Variants in ACSS3 observed in about 807,000 individuals in gnomAD.
ACSS3 encodes acyl-CoA synthetase short-chain family member 3, mitochondrial.
In ACSS3, 64 loss-of-function variants were observed where a neutral mutation model predicts 84.2. That is an observed-to-expected ratio of 0.76 (90% CI 0.62 to 0.94). The LOEUF is 0.94. Among genes scored for constraint, ACSS3 ranks in the 40% least tolerant of loss-of-function variants. The pLI, the probability that ACSS3 is intolerant of heterozygous loss-of-function variation, is 0.00. For missense variants in ACSS3, 815 were observed against 867.6 expected (o/e 0.94, Z 0.76); for synonymous variants, 317 against 310.1 (o/e 1.02, Z -0.23).
intron 1 of ACSS3, among the ~76,000 whole-genome samples, chr12:81,105,511 G>A (rs1459730310): frequency 6.6e-6 from 1 of 152,124 alleles, no homozygotes; most frequent in Non-Finnish European, 1.5e-5. Context: ...TGGGTTTCAG[G>A]TATGGCTTTC....
intron 7 of ACSS3, among the ~76,000 whole-genome samples, chr12:81,162,610 C>T (rs1264260495): frequency 6.6e-6 from 1 of 152,160 alleles, no homozygotes; most frequent in Non-Finnish European, 1.5e-5. Flanking sequence ...TCAGGCTGTC[C>T]CTGCCTTGAA....
intron 2 of ACSS3, among the ~76,000 whole-genome samples, chr12:81,112,356 A>G (rs1659707429): frequency 6.6e-6 from 1 of 152,214 alleles, no homozygotes; most frequent in Non-Finnish European, 1.5e-5. Context: ...GCTTTAGAGA[A>G]ACCTAAAATA....
At chr12:81,176,047 G>A (rs1169698974) in intron 8 of ACSS3, among the ~76,000 whole-genome samples, 1 of 151,946 alleles carries the variant, frequency 6.6e-6, no homozygotes, top group Non-Finnish European at 1.5e-5. Flanking sequence ...CCATATGAAA[G>A]ATCAATAAAA....
rs1593083177 is a variant in ACSS3, at chr12:81,121,039, GGTTGAGCGATGTAGA to G, written c.456+11336_456+11350del. Among the ~76,000 whole-genome samples, 14 of 152,240 alleles carry G rather than the reference GGTTGAGCGATGTAGA, an allele frequency of 9.2e-5. No homozygotes were observed. In the East Asian group the frequency reaches 2.5e-3, roughly 27 times the overall value. The stretch of plus-strand genomic sequence containing the variant: ...CTCTTTAAATGTGTACAGCTCCTTT[GGTTGAGCGATGTAGA>G]TGTTGTTAAAACTGACCCAGCTATT... On this transcript the variant is annotated intron_variant, in intron 2 of 15. Transcript: ENST00000548058.
chr12:81,190,075 T>A (rs543301779), intron 8 of ACSS3, among the ~76,000 whole-genome samples: 1 of 152,300 alleles, frequency 6.6e-6, no homozygotes, highest in African/African-American at 2.4e-5. Context: ...CATTATAGAT[T>A]TATAACAGAT....
chr12:81,161,288 G>A (rs1436965661), intron 7 of ACSS3, among the ~76,000 whole-genome samples: 5 of 152,134 alleles, frequency 3.3e-5, no homozygotes, highest in Non-Finnish European at 7.3e-5. Flanking sequence ...CAGCTACTAC[G>A]AATTTTGAAG....
chr12:81,103,953 T>G (rs570862371), intron 1 of ACSS3, among the ~76,000 whole-genome samples: 4 of 152,266 alleles, frequency 2.6e-5, no homozygotes, highest in African/African-American at 7.2e-5. Flanking sequence ...GGAAAGGTTT[T>G]TTAAAATTAA....
intron 13 of ACSS3, among the ~76,000 whole-genome samples, chr12:81,243,994 CT>C (rs1394323341): frequency 6.6e-6 from 1 of 152,032 alleles, no homozygotes; most frequent in Non-Finnish European, 1.5e-5. Context: ...CTCCAAATAA[CT>C]TAACATTTCT....
chr12:81,207,881 C>G (rs1424962037), intron 9 of ACSS3, among the ~76,000 whole-genome samples: 1 of 152,068 alleles, frequency 6.6e-6, no homozygotes, highest in Non-Finnish European at 1.5e-5. Flanking sequence ...GAGTCCTCCA[C>G]AGTTAGAGGC....
At chr12:81,176,771 C>T (rs1287868785) in intron 8 of ACSS3, among the ~76,000 whole-genome samples, 1 of 152,044 alleles carries the variant, frequency 6.6e-6, no homozygotes, top group Non-Finnish European at 1.5e-5. Context: ...CCTACTGAAA[C>T]TATTTCAAAA....
chr12:81,186,279 G>A (rs548110426), intron 8 of ACSS3, among the ~76,000 whole-genome samples: 8 of 151,788 alleles, frequency 5.3e-5, no homozygotes, highest in Non-Finnish European at 1.2e-4. Flanking sequence ...TGGGGGAAAT[G>A]TTTCTGGCTG....
chr12:81,184,133 G>A (rs2031111794), intron 8 of ACSS3, among the ~76,000 whole-genome samples: 1 of 151,910 alleles, frequency 6.6e-6, no homozygotes, highest in Non-Finnish European at 1.5e-5. Flanking sequence ...TTAATAACTG[G>A]AGTAATCTTG....
intron 1 of ACSS3, among the ~76,000 whole-genome samples, chr12:81,107,507 TATAC>T (rs1163666397): frequency 0.028 from 950 of 33,502 alleles, 161 homozygotes; most frequent in Non-Finnish European, 0.041. Flanking sequence ...GGTACAAATA[TATAC>T]ATATATATAT....
At chr12:81,208,702 C>A (rs1044684985) in intron 9 of ACSS3, among the ~76,000 whole-genome samples, 1 of 152,020 alleles carries the variant, frequency 6.6e-6, no homozygotes, top group Non-Finnish European at 1.5e-5. Flanking sequence ...GTTCCTGGAA[C>A]AATATTCAAA....
upstream of ACSS3, chr12:81,078,050 T>A: frequency 7.0e-7 from 1 of 1,418,886 alleles, no homozygotes. Context: ...CCTACTCCCT[T>A]CCCTCAGGCC....
At chr12:81,183,791 T>C in intron 8 of ACSS3, among the ~76,000 whole-genome samples, 1 of 152,150 alleles carries the variant, frequency 6.6e-6, no homozygotes. Flanking sequence ...GAGCTAAATA[T>C]ATAAAGCAAA....
chr12:81,249,280 T>C (rs1371866292), intron 13 of ACSS3, among the ~76,000 whole-genome samples: 1 of 152,086 alleles, frequency 6.6e-6, no homozygotes, highest in Non-Finnish European at 1.5e-5. Context: ...TGGCTTTTCA[T>C]GTGAAGAAAC....
intron 7 of ACSS3, among the ~76,000 whole-genome samples, chr12:81,157,151 A>C (rs952344368): frequency 6.6e-6 from 1 of 152,204 alleles, no homozygotes; most frequent in Non-Finnish European, 1.5e-5. Context: ...AAAATGAATT[A>C]TACACTGTGA....
At chr12:81,235,395 G>A (rs1266246618) in intron 13 of ACSS3, among the ~76,000 whole-genome samples, 3 of 151,038 alleles carry the variant, frequency 2.0e-5, no homozygotes, top group African/African-American at 4.8e-5. Flanking sequence ...GCTATGTAGT[G>A]TATCTTAGAG....
Sources: gnomAD v4.1 joint callset for allele counts (sites outside exome capture counted in the v4.1 genomes callset) on GRCh38, gnomAD v4.1.1 for gene constraint, MANE v1.5 for transcripts, NCBI Gene and HGNC (gene_info 2026-07-23, HGNC 2026-07-21) for gene names.